Variants in TOP3A observed in about 807,000 individuals in gnomAD.
The protein encoded by TOP3A is DNA topoisomerase 3-alpha.
In TOP3A, 64 loss-of-function variants were observed where a neutral mutation model predicts 111.3. The ratio of observed to expected loss-of-function variants is 0.57; its 90% confidence interval spans 0.47 to 0.71. The LOEUF is 0.71. Ranked by LOEUF, TOP3A falls within the 30% of genes least tolerant of loss-of-function variation. The pLI is 0.00. For synonymous variants in TOP3A, 484 were observed against 485.1 expected, an observed-to-expected ratio of 1.00 and a Z score of 0.03; for missense variants, 1,104 against 1,285.0, an observed-to-expected ratio of 0.86 and a Z score of 2.15.
chr17:18,308,960 TA>T lies in TOP3A; in HGVS notation c.181-20del. The stretch of plus-strand genomic sequence containing the variant: ...CTTCTCTCTATAAAACAAAAATAAG[TA>T]AAAAATATAAATTACGTTTAAAACA... On this transcript the variant is annotated intron_variant, in intron 1 of 18. Transcript: ENST00000321105. 7.8e-7 allele frequency: 1 copy of T among 1,274,608 alleles called. No individual in the cohort carries two copies. The highest frequency in any genetic ancestry group is 1.1e-6 in the Non-Finnish European group (1 of 917,232). The allele number at this position is 1,274,608 out of a possible 1,614,324, so 79.0% of individuals were successfully genotyped here.
rs549146411 is a variant in TOP3A at position 18,291,706 on chromosome 17, A to G, written c.1282-679T>C. Among the ~76,000 whole-genome samples, 7 of 152,306 alleles carry G rather than the reference A, an allele frequency of 4.6e-5. No individual in the cohort carries two copies. In the East Asian group the frequency reaches 1.4e-3, roughly 29 times the overall value. ...AACTTTTGTATTTCTTAATTTGTCTAAAATGAACATGTAATTTTTTTTTTT... is the reference window on the plus strand; with the variant it reads ...AACTTTTGTATTTCTTAATTTGTCTGAAATGAACATGTAATTTTTTTTTTT... On this transcript the variant is annotated intron_variant, in intron 11 of 18. Transcript: ENST00000321105.
chr17:18,293,745 T>C (rs2142968969), intron 10 of TOP3A, among the ~76,000 whole-genome samples: 1 of 152,078 alleles, frequency 6.6e-6, no homozygotes, highest in South Asian at 2.1e-4. Context: ...TACAGGTGCC[T>C]GCCACCACAC....
chr17:18,290,575 T>C lies in TOP3A; in HGVS notation c.1579A>G (p.Met527Val). The change falls in exon 13 of 19, where the codon ATG (methionine) becomes GTG (valine). Residue 527 changes from methionine to valine, a missense_variant. By Grantham distance (21) the Met-to-Val change is conservative (BLOSUM62 1). Coordinates refer to ENST00000321105, the MANE Select transcript of TOP3A (RefSeq NM_004618.5). ...CACTGACCAATGCCATGCTTCTCCA[T>C]GAGGGCAATGAGGTCGGCCTCGGTG... The part of the protein sequence containing the change: ...LLTEADLIAL[M>V]EKHGIGTDAT... 1 of 1,596,870 alleles carries C rather than the reference T, an allele frequency of 6.3e-7. No homozygotes were observed. Among genetic ancestry groups the C allele is most frequent in the Non-Finnish European group, 8.5e-7 (1 of 1,170,666 alleles).
At chr17:18,303,225 C>T (rs1328357261) in intron 5 of TOP3A, 1 of 153,284 alleles carries the variant, frequency 6.5e-6, no homozygotes, top group Non-Finnish European at 1.5e-5. Flanking sequence ...CCATTCTCCA[C>T]TCTCTATTAA....
In TOP3A at chr17:18,278,122, C is replaced by G. The variant is rs1180128371; in HGVS notation, c.2380G>C (p.Ala794Pro). 1 of 1,614,190 alleles carries G rather than the reference C, an allele frequency of 6.2e-7. No individual in the cohort carries two copies. The highest frequency in any genetic ancestry group is 8.5e-7 in the Non-Finnish European group (1 of 1,180,036). Residue 794 changes from alanine (A) to proline (P), a missense_variant, in exon 18 of 19, where the codon GCT becomes CCT. Ala to Pro is a conservative substitution (Grantham distance 27). Transcript: ENST00000321105. ...ADSRQTGSSKALAQTLPPPTA... is the reference protein window; with the variant it reads ...ADSRQTGSSKPLAQTLPPPTA... ...GGTGGTGGGAGGGTCTGGGCCAGAGCCTTTGAGGACCCAGTCTGTCTGCTG... is the reference window on the plus strand; with the variant it reads ...GGTGGTGGGAGGGTCTGGGCCAGAGGCTTTGAGGACCCAGTCTGTCTGCTG...
rs1167971278 is a variant in TOP3A at position 18,277,994 on chromosome 17, A to C, written c.2508T>G (p.Phe836Leu). The C allele has an allele frequency of 1.2e-6, 2 of 1,614,114 alleles. No individual in the cohort carries two copies. The highest frequency in any genetic ancestry group is 1.7e-6 in the Non-Finnish European group (2 of 1,180,038). ...KEGPNRGRQF[F>L]KCNGGSCNFF... The stretch of plus-strand genomic sequence containing the variant: ...AGTTGCAGCTACCTCCGTTGCACTT[A>C]AAGAACTGCCGGCCCCGGTTGGGGC... Residue 836 changes from phenylalanine (F) to leucine (L), a missense_variant, in exon 18 of 19, where the codon TTT (phenylalanine) becomes TTG (leucine). By Grantham distance (22) the Phe-to-Leu change is conservative (BLOSUM62 0). Transcript: ENST00000321105.
In TOP3A at chr17:18,274,423, A is replaced by T; in HGVS notation, c.*379T>A. ...ACTGCCCCATGAGTGCTGGTGGCTC[A>T]CTTGGGGCTTTCTGCAGGTGAAGGA... On this transcript the variant is annotated 3_prime_UTR_variant, in exon 19 of 19. Coordinates refer to ENST00000321105, the MANE Select transcript of TOP3A (RefSeq NM_004618.5). 1 of 168,186 alleles carries T rather than the reference A, an allele frequency of 5.9e-6. No homozygotes were observed. Among genetic ancestry groups the T allele is most frequent in the Non-Finnish European group, 1.3e-5 (1 of 77,688 alleles). The allele number at this position is 168,186 out of a possible 1,614,324, so 10.4% of individuals were successfully genotyped here.
chr17:18,305,012 G>A (rs1371790507), intron 5 of TOP3A, 100 bp downstream of exon 5: 6 of 921,062 alleles, frequency 6.5e-6, no homozygotes, highest in Non-Finnish European at 1.1e-5. Flanking sequence ...GAGAGTACCT[G>A]CAGAGGACCT....
At chr17:18,278,560 C>G (rs1328187857) in intron 17 of TOP3A, among the ~76,000 whole-genome samples, 9 of 152,168 alleles carry the variant, frequency 5.9e-5, no homozygotes, top group Admixed American at 5.9e-4. Context: ...GGAAACAGTG[C>G]AGATGAAATC....
At chr17:18,302,872 T>C in intron 5 of TOP3A, 149 bp from the exon 6 acceptor site, 2 of 821,142 alleles carry the variant, frequency 2.4e-6, no homozygotes, top group Non-Finnish European at 1.9e-6. Context: ...GTTAAATCAA[T>C]GGTGTACAGT....
chr17:18,290,675 G>A lies in TOP3A; in HGVS notation c.1479C>T (p.Val493=), dbSNP rs768922472. 1.9e-6 allele frequency: 3 copies of A among 1,602,794 alleles called. No individual in the cohort carries two copies. Among genetic ancestry groups the A allele is most frequent in the Non-Finnish European group, 2.6e-6 (3 of 1,173,232 alleles). ...YDHWSDKILP[V]YEQGSHFQPS... is the part of the protein sequence containing the mutation. ...GCTGAAAGTGGGATCCTTGCTCATA[G>A]ACAGGGAGGATCTACAGGGAGCGGC... Residue 493 remains valine (V), a synonymous_variant, in exon 13 of 19, where the codon GTC becomes GTT. Coordinates refer to ENST00000321105, the MANE Select transcript of TOP3A (RefSeq NM_004618.5).
Position 18,306,950 on chromosome 17 carries a change from G to A in TOP3A, c.331C>T (p.Leu111Phe). 6.2e-7 allele frequency: 1 copy of A among 1,613,680 alleles called. No homozygotes were observed. Among genetic ancestry groups the A allele is most frequent in the Non-Finnish European group, 8.5e-7 (1 of 1,179,788 alleles). Residue 111 changes from leucine to phenylalanine, a missense_variant, in exon 4 of 19, where the codon CTT (leucine) becomes TTT (phenylalanine). Leu to Phe is a conservative substitution (Grantham distance 22). Transcript: ENST00000321105. ...TCAATTTCTGCTTCAAAGAGGACAA[G>A]AGGGTTGCAGCTCTGCCTAGAAAAG... Reference protein sequence around the residue: ...QFRKWQSCNPLVLFEAEIEKY... With the variant: ...QFRKWQSCNPFVLFEAEIEKY...
intron 16 of TOP3A, among the ~76,000 whole-genome samples, chr17:18,281,490 A>C (rs1468600000): frequency 2.0e-5 from 3 of 152,198 alleles, no homozygotes; most frequent in African/African-American, 7.2e-5. Context: ...GAGCTAAAAC[A>C]AAAGTAGTTA....
chr17:18,296,039 T>G (rs1980781871), intron 9 of TOP3A, among the ~76,000 whole-genome samples: 1 of 152,120 alleles, frequency 6.6e-6, no homozygotes, highest in Non-Finnish European at 1.5e-5. Flanking sequence ...GTGCTGAGAT[T>G]ACAGGCGTGA....
At chr17:18,300,808 G>A (rs1401381342) in intron 8 of TOP3A, among the ~76,000 whole-genome samples, 1 of 152,140 alleles carries the variant, frequency 6.6e-6, no homozygotes, top group African/African-American at 2.4e-5. Context: ...CAGTGTCACA[G>A]AGACTCCCAG....
chr17:18,290,826 G>GA lies in TOP3A; in HGVS notation c.1467+15dup, dbSNP rs1339243264. On this transcript the variant is annotated intron_variant, in intron 12 of 18. Coordinates refer to ENST00000321105, the MANE Select transcript of TOP3A (RefSeq NM_004618.5). ...CACAACTGTCCTCCCTCTCACTGGG[G>GA]ACCACTCTTTATTACCTTGTCACTC... The GA allele has an allele frequency of 2.5e-6, 4 of 1,611,554 alleles. No individual in the cohort carries two copies.
intron 15 of TOP3A, 152 bp downstream of exon 15, chr17:18,284,990 G>C (rs1979995971): frequency 1.1e-6 from 1 of 873,906 alleles, no homozygotes; most frequent in African/African-American, 1.7e-5. Context: ...ATCTGGCAGG[G>C]TTATAAACTC....
At chr17:18,280,716 G>C in intron 16 of TOP3A, 58 bp from the exon 17 acceptor site, 1 of 1,592,932 alleles carries the variant, frequency 6.3e-7, no homozygotes, top group South Asian at 1.1e-5. Context: ...TCCGCTGTTG[G>C]CCATCAGCTA....
intron 5 of TOP3A, 141 bp from the exon 6 acceptor site, chr17:18,302,864 T>A: frequency 1.1e-6 from 1 of 915,340 alleles, no homozygotes; most frequent in Non-Finnish European, 1.6e-6. Flanking sequence ...CCTATTAGGT[T>A]AAATCAATGG....
Sources: allele counts gnomAD v4.1 joint callset (sites outside exome capture counted in the v4.1 genomes callset), GRCh38; gene constraint gnomAD v4.1.1; transcripts MANE v1.5; gene names NCBI Gene and HGNC (gene_info 2026-07-23, HGNC 2026-07-21).